MYH10: variants seen among roughly 807,000 people sequenced by gnomAD.
The protein encoded by MYH10 is myosin heavy chain 10, also known as myosin-10.
Under a neutral mutation model 257.8 loss-of-function variants are expected in MYH10, and 55 were observed. That is an observed-to-expected ratio of 0.21 (90% CI 0.17 to 0.27). The LOEUF (loss-of-function observed/expected upper bound fraction) is 0.27, where lower values mean the gene tolerates loss of function less well. MYH10 is among the 10% of genes least tolerant of loss of function. MYH10 has a pLI of 1.00. For synonymous variants in MYH10, 854 were observed against 921.7 expected (o/e 0.93, Z 1.33); for missense variants, 1,631 against 2,500.6 (o/e 0.65, Z 7.42).
chr17:8,588,994 C>G, intron 4 of MYH10, 87 bp downstream of exon 4: 4 of 1,250,032 alleles, frequency 3.2e-6, no homozygotes, highest in Non-Finnish European at 4.7e-6. Context: ...AATTACTGCT[C>G]TACTTCTCCC....
chr17:8,518,507 T>A, intron 21 of MYH10, 124 bp downstream of exon 21: 5 of 1,043,192 alleles, frequency 4.8e-6, no homozygotes, highest in Non-Finnish European at 5.6e-6. Flanking sequence ...TCTCTGCCAC[T>A]ATAAAGCAAC....
intron 34 of MYH10, among the ~76,000 whole-genome samples, chr17:8,491,734 T>C (rs528185399): frequency 6.6e-6 from 1 of 152,300 alleles, no homozygotes; most frequent in East Asian, 1.9e-4. Context: ...CAACACGTCA[T>C]ACACTAAGGG....
intron 14 of MYH10, among the ~76,000 whole-genome samples, chr17:8,539,495 C>T (rs538607092): frequency 1.3e-5 from 2 of 152,340 alleles, no homozygotes; most frequent in African/African-American, 4.8e-5. Flanking sequence ...GCTTCAAGAT[C>T]AGGTTCTTGA....
Position 8,475,726 on chromosome 17 carries a change from A to C in MYH10, c.*78T>G, listed in dbSNP as rs375940134. 3 of 1,526,102 alleles carry C rather than the reference A, an allele frequency of 2.0e-6. No homozygotes were observed. The East Asian group carries it at 6.8e-5, about 35-fold the overall frequency. 94.5% of individuals were successfully genotyped at this position (1,526,102 alleles called of 1,614,324 possible). ...TCAGGAAGGAATCCCGTAGCTTGCC[A>C]ATTTCCGAAATCTGCAGGAGGCCCC... On this transcript the variant is annotated 3_prime_UTR_variant, in exon 43 of 43. Coordinates refer to ENST00000360416, the MANE Select transcript of MYH10 (RefSeq NM_001256012.3).
At position 8,506,330 on chromosome 17, in the gene MYH10, C is replaced by T; in HGVS notation, c.3374G>A (p.Gly1125Asp). ...CTGGGCTGCAGACCTGGCCAGTGCG[C>T]CCTGCAGCTCCTCCTCCTTCTTGGC... Reference protein sequence around the residue: ...QLAKKEEELQGALARGDDETL... With the variant: ...QLAKKEEELQDALARGDDETL... The change falls in exon 27 of 43, where the codon GGC becomes GAC. Residue 1125 changes from glycine (G) to aspartate (D), a missense_variant. Physicochemically the swap from Gly to Asp is moderately conservative, Grantham distance 94. Transcript: ENST00000360416. This position sits in a 1 kb window ranked among gnomAD's most constrained non-coding sequence, Gnocchi z 5.0. 1 of 1,599,822 alleles carries T rather than the reference C, an allele frequency of 6.3e-7. No homozygotes were observed. The highest frequency in any genetic ancestry group is 2.2e-5 in the East Asian group (1 of 44,476).
At chr17:8,547,672 T>C (rs780947059) in intron 11 of MYH10, among the ~76,000 whole-genome samples, 1 of 150,540 alleles carries the variant, frequency 6.6e-6, no homozygotes, top group African/African-American at 2.4e-5. Flanking sequence ...CAAGGCAATA[T>C]AGAGATTCCT....
chr17:8,549,583 C>T (rs1305365285), intron 9 of MYH10, among the ~76,000 whole-genome samples: 2 of 152,246 alleles, frequency 1.3e-5, no homozygotes, highest in East Asian at 3.8e-4. Context: ...AGAATTTCTG[C>T]AGGTCACCCT....
At chr17:8,511,017 T>TATATATATATATATATATAC (rs1567822881) in intron 24 of MYH10, 17 of 3,200 alleles carry the variant, frequency 5.3e-3, no homozygotes, top group Non-Finnish European at 0.017. Context: ...ATGTACCCCA[T>TATATATATATATATATATAC]ATATATATAT....
At position 8,481,360 on chromosome 17, in the gene MYH10, A is replaced by C. The variant is rs373909561; in HGVS notation, c.5226T>G (p.Asp1742Glu). 4.7e-5 allele frequency: 76 copies of C among 1,613,886 alleles called. 1 individual carries two copies. The highest frequency in any genetic ancestry group is 4.3e-4 in the South Asian group (39 of 91,088). ...RARRHAEQER[D>E]ELADEITNSA... ...TGTTGGTGATCTCGTCCGCCAGCTCATCTCTCTCCTGCTCGGCGTGTCGGC... is the reference window on the plus strand; with the variant it reads ...TGTTGGTGATCTCGTCCGCCAGCTCCTCTCTCTCCTGCTCGGCGTGTCGGC... The change falls in exon 38 of 43, where the codon GAT becomes GAG. Residue 1742 changes from aspartate to glutamate, a missense_variant. Asp to Glu is a conservative substitution (Grantham distance 45, BLOSUM62 2). Coordinates refer to ENST00000360416, the MANE Select transcript of MYH10 (RefSeq NM_001256012.3).
chr17:8,511,065 C>CAT (rs1460237465), intron 24 of MYH10: 1 of 84,456 alleles, frequency 1.2e-5, no homozygotes, highest in Admixed American at 1.3e-4. Context: ...TATATACACA[C>CAT]ATACATACAT....
intron 28 of MYH10, among the ~76,000 whole-genome samples, chr17:8,502,330 C>T (rs1457910420): frequency 1.3e-5 from 2 of 152,210 alleles, no homozygotes; most frequent in Admixed American, 6.5e-5. Context: ...TGTGGTCCAG[C>T]CTAGCTCAGC....
At position 8,475,928 on chromosome 17, in the gene MYH10, A is replaced by C; in HGVS notation, c.5900T>G (p.Phe1967Cys). 6.2e-7 allele frequency: 1 copy of C among 1,613,796 alleles called. No homozygotes were observed. Among genetic ancestry groups the C allele is most frequent in the East Asian group, 2.2e-5 (1 of 44,884 alleles). The change falls in exon 43 of 43, where the codon TTC becomes TGC. Residue 1967 changes from phenylalanine to cysteine, a missense_variant. By Grantham distance (205) the Phe-to-Cys change is radical (BLOSUM62 -2). This residue lies in a region of MYH10 where 343 missense variants were observed against 389.5 expected (regional missense o/e 0.88). Transcript: ENST00000360416. ...GCGCCGGCCAGATCGGCTGGAAGAG[A>C]AGCTGATGGGGCCACCCCGCCTGGA... ...NRLRRGGPISFSSSRSGRRQL... is the reference protein window; with the variant it reads ...NRLRRGGPISCSSSRSGRRQL...
chr17:8,595,481 G>A (rs1007556932), intron 3 of MYH10, among the ~76,000 whole-genome samples: 29 of 128,132 alleles, frequency 2.3e-4, no homozygotes, highest in Admixed American at 9.4e-5. Context: ...CACCCAGGCT[G>A]CAGTGCAATG....
At chr17:8,624,550 A>G (rs1249741639) in intron 1 of MYH10, among the ~76,000 whole-genome samples, 1 of 152,202 alleles carries the variant, frequency 6.6e-6, no homozygotes. Flanking sequence ...AAAATGCTAG[A>G]GGTTCTTTGT....
chr17:8,483,009 G>C (rs1567772085), intron 37 of MYH10, among the ~76,000 whole-genome samples: 1 of 152,166 alleles, frequency 6.6e-6, no homozygotes, highest in Non-Finnish European at 1.5e-5. Context: ...AGGTCCCAGA[G>C]CTCTTTCTCA....
At chr17:8,546,859 G>A (rs1386107809) in intron 11 of MYH10, among the ~76,000 whole-genome samples, 197 bp from the exon 12 acceptor site, 1 of 152,110 alleles carries the variant, frequency 6.6e-6, no homozygotes, top group Admixed American at 6.5e-5. Flanking sequence ...TCATTTTTAG[G>A]CTACAAGAGA....
At chr17:8,579,102 C>A (rs2152025025) in intron 4 of MYH10, among the ~76,000 whole-genome samples, 1 of 152,004 alleles carries the variant, frequency 6.6e-6, no homozygotes, top group African/African-American at 2.4e-5. Flanking sequence ...CATAATGAGA[C>A]CCACATCTAC....
chr17:8,499,115 T>C (rs1917126061), intron 30 of MYH10, among the ~76,000 whole-genome samples, 155 bp downstream of exon 30: 1 of 152,178 alleles, frequency 6.6e-6, no homozygotes, highest in Non-Finnish European at 1.5e-5. Flanking sequence ...TAATAGACAC[T>C]AGGGACACCT....
rs972887859 is a variant in MYH10 at position 8,548,244 on chromosome 17, CTG to C, written c.1159+67_1159+68del. 24 of 1,244,250 alleles carry C rather than the reference CTG, an allele frequency of 1.9e-5. No homozygotes were observed. The African/African-American group carries it at 3.6e-4, about 19-fold the overall frequency. 77.1% of individuals were successfully genotyped at this position (1,244,250 alleles called of 1,614,324 possible). On this transcript the variant is annotated intron_variant, in intron 11 of 42. Transcript: ENST00000360416. Reference sequence around the variant, plus strand: ...CTTCAGAGGTGCTTTTACGCTTGCACTGTAACACCTTCTTAGAGAGCACAACA... The same window carrying C: ...CTTCAGAGGTGCTTTTACGCTTGCACTAACACCTTCTTAGAGAGCACAACA...
Sources: gnomAD v4.1 joint callset for allele counts (sites outside exome capture counted in the v4.1 genomes callset) on GRCh38, gnomAD v4.1.1 for gene constraint, gnomAD v4.1.1 regional missense constraint, Gnocchi (gnomAD v3.1) non-coding constraint, MANE v1.5 for transcripts, NCBI Gene and HGNC (gene_info 2026-07-23, HGNC 2026-07-21) for gene names.